Variants in ADGRL3 observed in about 807,000 individuals in gnomAD.
ADGRL3 encodes adhesion G protein-coupled receptor L3, also known as calcium-independent alpha-latrotoxin receptor 3.
A neutral mutation model predicts 153.5 loss-of-function variants in ADGRL3; 62 were observed. The ratio of observed to expected loss-of-function variants is 0.40; its 90% CI spans 0.33 to 0.50. The LOEUF is 0.50. ADGRL3 is among the 20% of genes least tolerant of loss of function. The pLI, the probability that ADGRL3 is intolerant of heterozygous loss-of-function variation, is 0.47. For missense variants in ADGRL3, 1,641 were observed against 1,859.4 expected, an observed-to-expected ratio of 0.88 and a Z score of 2.16; for synonymous variants, 710 against 672.5, an observed-to-expected ratio of 1.06 and a Z score of -0.86.
intron 4 of ADGRL3, among the ~76,000 whole-genome samples, chr4:61,552,472 T>C (rs1274193119): frequency 6.6e-6 from 1 of 152,128 alleles, no homozygotes; most frequent in Non-Finnish European, 1.5e-5. Flanking sequence ...TAATTTCATT[T>C]ATTTATTTTG....
At chr4:61,750,933 G>C (rs1465413386) in intron 8 of ADGRL3, among the ~76,000 whole-genome samples, 1 of 152,188 alleles carries the variant, frequency 6.6e-6, no homozygotes, top group African/African-American at 2.4e-5. Flanking sequence ...CCTCCGTAGC[G>C]GTCTGTGGCC....
intron 4 of ADGRL3, among the ~76,000 whole-genome samples, chr4:61,546,655 T>C (rs2098715079): frequency 6.6e-6 from 1 of 152,162 alleles, no homozygotes; most frequent in Non-Finnish European, 1.5e-5. Context: ...AGGGAGTATT[T>C]ACACCATAGA....
chr4:61,686,572 C>A (rs761585395), intron 6 of ADGRL3, among the ~76,000 whole-genome samples: 1 of 152,022 alleles, frequency 6.6e-6, no homozygotes, highest in African/African-American at 2.4e-5. Flanking sequence ...TACACCTATA[C>A]GTTGTGTAAT....
intron 9 of ADGRL3, among the ~76,000 whole-genome samples, chr4:61,874,165 T>A (rs979445129): frequency 3.3e-5 from 5 of 152,174 alleles, no homozygotes; most frequent in African/African-American, 1.2e-4. Flanking sequence ...CTAGTGCTAC[T>A]CTGGATGAAG....
chr4:61,704,390 A>G (rs2151361676), intron 6 of ADGRL3, among the ~76,000 whole-genome samples: 1 of 152,334 alleles, frequency 6.6e-6, no homozygotes, highest in African/African-American at 2.4e-5. Flanking sequence ...ACTATACTGT[A>G]GTCTATTAAG....
intron 1 of ADGRL3, among the ~76,000 whole-genome samples, chr4:61,350,489 T>G (rs1404834716): frequency 3.9e-5 from 6 of 152,132 alleles, no homozygotes; most frequent in Non-Finnish European, 8.8e-5. Flanking sequence ...TGCATCACTT[T>G]ATTCCACTTC....
chr4:61,947,526 G>T (rs1036751650), intron 16 of ADGRL3, among the ~76,000 whole-genome samples: 1 of 152,084 alleles, frequency 6.6e-6, no homozygotes, highest in Non-Finnish European at 1.5e-5. Context: ...GTGAGACGAT[G>T]GATATATTAA....
intron 6 of ADGRL3, among the ~76,000 whole-genome samples, chr4:61,722,353 A>G (rs1339197169): frequency 2.6e-5 from 4 of 152,300 alleles, no homozygotes; most frequent in Non-Finnish European, 4.4e-5. Context: ...CATTTCATGC[A>G]AGAGAATAGA....
At chr4:61,696,403 G>T (rs887464705) in intron 6 of ADGRL3, among the ~76,000 whole-genome samples, 1 of 152,050 alleles carries the variant, frequency 6.6e-6, no homozygotes, top group African/African-American at 2.4e-5. Flanking sequence ...TAAGACAATG[G>T]TAGACTAAGT....
intron 8 of ADGRL3, among the ~76,000 whole-genome samples, chr4:61,768,234 G>T (rs1329140890): frequency 1.3e-5 from 2 of 151,870 alleles, no homozygotes; most frequent in Non-Finnish European, 2.9e-5. Flanking sequence ...AGTCACAGAA[G>T]GAAACTGTAA....
intron 8 of ADGRL3, among the ~76,000 whole-genome samples, chr4:61,777,059 G>C (rs1016982202): frequency 6.6e-6 from 1 of 152,172 alleles, no homozygotes; most frequent in Non-Finnish European, 1.5e-5. Context: ...TTTCTGGCCA[G>C]GTGTGCTGGC....
intron 26 of ADGRL3, among the ~76,000 whole-genome samples, chr4:62,069,229 A>G (rs1003307000): frequency 6.6e-6 from 1 of 152,154 alleles, no homozygotes; most frequent in Non-Finnish European, 1.5e-5. Context: ...CCCAAACTTT[A>G]ACATGCACAC....
chr4:61,777,744 C>G (rs1360565372), intron 8 of ADGRL3, among the ~76,000 whole-genome samples: 1 of 152,010 alleles, frequency 6.6e-6, no homozygotes, highest in Non-Finnish European at 1.5e-5. Flanking sequence ...GAGCCTTACT[C>G]TATTTCTAGT....
chr4:61,420,367 C>T (rs2097189262), intron 2 of ADGRL3: 2 of 149,316 alleles, frequency 1.3e-5, no homozygotes, highest in Non-Finnish European at 3.0e-5. Flanking sequence ...CATGATGAAC[C>T]CTAGAATAAT....
At chr4:61,744,856 C>T (rs954175443) in intron 8 of ADGRL3, among the ~76,000 whole-genome samples, 1 of 152,216 alleles carries the variant, frequency 6.6e-6, no homozygotes, top group Non-Finnish European at 1.5e-5. Context: ...CGGAACAAAG[C>T]TGGACAGAGA....
chr4:61,257,066 T>C (rs2149512028), intron 1 of ADGRL3, among the ~76,000 whole-genome samples: 1 of 152,280 alleles, frequency 6.6e-6, no homozygotes, highest in Middle Eastern at 3.4e-3. Context: ...TAATGTACAT[T>C]CCACAAAGCC....
At chr4:61,456,429 C>CTA (rs779293435) in intron 2 of ADGRL3, among the ~76,000 whole-genome samples, 92 of 34,194 alleles carry the variant, frequency 2.7e-3, no homozygotes, top group East Asian at 0.014. Flanking sequence ...ATATCTATAT[C>CTA]TATATATATA....
intron 2 of ADGRL3, among the ~76,000 whole-genome samples, chr4:61,456,397 C>CG (rs1213735488): frequency 1.1e-5 from 1 of 90,134 alleles, no homozygotes; most frequent in African/African-American, 4.2e-5. Context: ...ATAGATATAT[C>CG]TATATCTATA....
At chr4:61,240,401 G>C (rs1438254856) in intron 1 of ADGRL3, among the ~76,000 whole-genome samples, 2 of 151,952 alleles carry the variant, frequency 1.3e-5, no homozygotes, top group Non-Finnish European at 2.9e-5. Flanking sequence ...TACCATAGCA[G>C]GAGTATTTTC....
Sources: allele counts gnomAD v4.1 joint callset (sites outside exome capture counted in the v4.1 genomes callset), GRCh38; gene constraint gnomAD v4.1.1; transcripts MANE v1.5; gene names NCBI Gene and HGNC (gene_info 2026-07-23, HGNC 2026-07-21).